Variants in ZNF536 observed in about 807,000 individuals in gnomAD.
ZNF536 encodes zinc finger protein 536.
In ZNF536, 13 loss-of-function variants were observed where a neutral mutation model predicts 84.5. The observed-to-expected ratio is 0.15, with a 90% CI of 0.10 to 0.24. ZNF536 has a LOEUF of 0.24. ZNF536 is among the 10% of genes least tolerant of loss of function. The probability of loss-of-function intolerance (pLI) is 1.00; values close to 1 mark genes in which losing one functional copy is unlikely to be tolerated. For synonymous variants in ZNF536, 811 were observed against 742.5 expected (o/e 1.09, Z -1.50); for missense variants, 1,536 against 1,747.5 (o/e 0.88, Z 2.16).
At chr19:30,540,333 C>T (rs1355872398) in intron 3 of ZNF536, among the ~76,000 whole-genome samples, 3 of 152,140 alleles carry the variant, frequency 2.0e-5, no homozygotes, top group African/African-American at 7.2e-5. Context: ...GGCTGCACAC[C>T]CAGTCGGGTG....
At chr19:30,645,766 C>T (rs150768112) in intron 1 of ZNF536, among the ~76,000 whole-genome samples, 420 of 152,356 alleles carry the variant, frequency 2.8e-3, no homozygotes, top group Middle Eastern at 0.02. Flanking sequence ...CTGCTAGTGG[C>T]TGCAGCCCAC....
At chr19:30,487,243 C>T (rs2054336032) in intron 2 of ZNF536, among the ~76,000 whole-genome samples, 1 of 152,196 alleles carries the variant, frequency 6.6e-6, no homozygotes, top group African/African-American at 2.4e-5. Flanking sequence ...TTCATTATAA[C>T]ATCGTTTAAA....
chr19:30,519,966 T>G (rs2044252276), intron 2 of ZNF536, among the ~76,000 whole-genome samples: 1 of 152,222 alleles, frequency 6.6e-6, no homozygotes, highest in Admixed American at 6.5e-5. Context: ...TGGGCAGACC[T>G]GACTTAGTCT....
rs754025115 is a variant in ZNF536, at chr19:30,358,545, C to T, written c.-3+6061C>T. Among the ~76,000 whole-genome samples the T allele has an allele frequency of 1.4e-4, 21 of 152,220 alleles. 1 individual carries two copies. Among genetic ancestry groups the T allele is most frequent in the Middle Eastern group, 6.3e-3 (2 of 316 alleles). On this transcript the variant is annotated intron_variant, in intron 3 of 5. Coordinates refer to the ZNF536 transcript ENST00000585628. ...ATCACTGTTGTGTTGATTGACTAGC[C>T]CCCTTGCTTCTGAAACTTGTAATCA... is the stretch of plus-strand genomic sequence containing the variant.
At chr19:30,405,315 A>G (rs1222158124) in intron 1 of ZNF536, among the ~76,000 whole-genome samples, 1 of 152,220 alleles carries the variant, frequency 6.6e-6, no homozygotes, top group Non-Finnish European at 1.5e-5. Flanking sequence ...CTGTTTCCTG[A>G]GGCCTAATAC....
At chr19:30,437,738 A>G (rs371441702) in intron 1 of ZNF536, among the ~76,000 whole-genome samples, 1 of 151,984 alleles carries the variant, frequency 6.6e-6, no homozygotes, top group Non-Finnish European at 1.5e-5. Context: ...CATTGGGGGG[A>G]TGATGCTGCA....
chr19:30,444,904 G>A lies in ZNF536; in HGVS notation c.1342G>A (p.Glu448Lys), dbSNP rs765534247. 3.1e-6 allele frequency: 5 copies of A among 1,610,914 alleles called. No individual in the cohort carries two copies. The Admixed American group carries it at 5.0e-5, about 16-fold the overall frequency. Residue 448 changes from glutamate (E) to lysine (K), a missense_variant, in exon 2 of 5, where the codon GAG becomes AAG. Around this residue, in one of 8 missense-constraint regions of ZNF536, gnomAD observed 366 missense variants for 364.4 expected, o/e 1.00. Coordinates refer to ENST00000355537, the MANE Select transcript of ZNF536 (RefSeq NM_014717.3). ...GACCCCGGACAAAGCCGGCCTGAGC[G>A]AGCCCAGCCAGCTCTATGGCAAGGG... ...FMTPDKAGLSEPSQLYGKGEL... is the reference protein window; with the variant it reads ...FMTPDKAGLSKPSQLYGKGEL...
chr19:30,666,924 G>C (rs969695350), intron 1 of ZNF536, among the ~76,000 whole-genome samples: 1 of 151,806 alleles, frequency 6.6e-6, no homozygotes, highest in Non-Finnish European at 1.5e-5. Context: ...GAGCATATCA[G>C]GCAATTTCTG....
At chr19:30,471,191 G>C (rs1206698977) in intron 2 of ZNF536, among the ~76,000 whole-genome samples, 1 of 152,124 alleles carries the variant, frequency 6.6e-6, no homozygotes, top group African/African-American at 2.4e-5. Flanking sequence ...AGGAAGGCCA[G>C]GGAGATAAAG....
intron 1 of ZNF536, among the ~76,000 whole-genome samples, chr19:30,375,922 CTGTG>C (rs886635356): frequency 2.6e-5 from 4 of 151,972 alleles, no homozygotes; most frequent in Non-Finnish European, 4.4e-5. Context: ...ATTAGTGTGA[CTGTG>C]TGTGCTCATG....
At chr19:30,305,660 G>T (rs894666990) in intron 2 of ZNF536, among the ~76,000 whole-genome samples, 1 of 152,202 alleles carries the variant, frequency 6.6e-6, no homozygotes, top group African/African-American at 2.4e-5. Flanking sequence ...TCTTGCCAAG[G>T]TTGGGTTCAG....
chr19:30,607,985 C>T (rs913126684), intron 1 of ZNF536, among the ~76,000 whole-genome samples: 5 of 152,098 alleles, frequency 3.3e-5, no homozygotes, highest in Non-Finnish European at 7.4e-5. Context: ...ATTATTTAAC[C>T]TACCTGGTAT....
chr19:30,531,749 C>T (rs2044834279), intron 2 of ZNF536, among the ~76,000 whole-genome samples: 1 of 152,062 alleles, frequency 6.6e-6, no homozygotes, highest in African/African-American at 2.4e-5. Flanking sequence ...CTCAGCCTCC[C>T]CGGTAGCTGG....
chr19:30,430,369 G>C (rs1166630318), intron 1 of ZNF536, among the ~76,000 whole-genome samples: 1 of 152,190 alleles, frequency 6.6e-6, no homozygotes, highest in Non-Finnish European at 1.5e-5. Context: ...CCCTGTGCCT[G>C]GCTCTGTGTT....
At chr19:30,327,837 T>A (rs1054591635) in intron 2 of ZNF536, among the ~76,000 whole-genome samples, 2 of 152,226 alleles carry the variant, frequency 1.3e-5, no homozygotes, top group Non-Finnish European at 2.9e-5. Context: ...GGGCAATGTC[T>A]TTGTCCTCTG....
intron 1 of ZNF536, among the ~76,000 whole-genome samples, chr19:30,701,472 C>T (rs1257236290): frequency 6.6e-6 from 1 of 151,738 alleles, no homozygotes; most frequent in African/African-American, 2.4e-5. Context: ...CACAAACACA[C>T]ACAGACACAC....
intron 2 of ZNF536, among the ~76,000 whole-genome samples, chr19:30,496,309 G>A (rs1008831811): frequency 2.6e-5 from 4 of 152,230 alleles, no homozygotes; most frequent in South Asian, 2.1e-4. Flanking sequence ...ACACTCAGCC[G>A]GATTGCCAGC....
chr19:30,373,226 A>G (rs575586337), intron 1 of ZNF536, among the ~76,000 whole-genome samples: 126 of 152,198 alleles, frequency 8.3e-4, no homozygotes, highest in African/African-American at 2.9e-3. Context: ...CTCCAGTAGA[A>G]CGGAACTCTT....
At chr19:30,703,086 G>A (rs2052056976) in intron 1 of ZNF536, among the ~76,000 whole-genome samples, 1 of 152,174 alleles carries the variant, frequency 6.6e-6, no homozygotes, top group Non-Finnish European at 1.5e-5. Flanking sequence ...CCCAGGCAGA[G>A]GCAGCTGCAT....
Sources: gnomAD v4.1 joint callset for allele counts (sites outside exome capture counted in the v4.1 genomes callset) on GRCh38, gnomAD v4.1.1 for gene constraint, gnomAD v4.1.1 regional missense constraint, MANE v1.5 for transcripts, NCBI Gene and HGNC (gene_info 2026-07-23, HGNC 2026-07-21) for gene names.